Variants in RGS8 observed in about 807,000 individuals in gnomAD.
RGS8 encodes the protein regulator of G-protein signaling 8.
Under a neutral mutation model 21.7 loss-of-function variants are expected in RGS8, and 8 were observed. The observed-to-expected ratio is 0.37, with a 90% CI of 0.22 to 0.66. RGS8 has a LOEUF of 0.66. Ranked by LOEUF, RGS8 falls within the 30% of genes least tolerant of loss-of-function variation. The pLI is 0.59. For synonymous variants in RGS8, 80 were observed against 83.6 expected (o/e 0.96, Z 0.24); for missense variants, 157 against 217.9 (o/e 0.72, Z 1.76).
the RGS8 span, among the ~76,000 whole-genome samples, chr1:182,719,683 C>A: frequency 2.0e-5 from 3 of 151,540 alleles, no homozygotes; most frequent in South Asian, 6.2e-4. Context: ...CCTGCCTTGG[C>A]CTCCCAAAGT....
intron 1 of RGS8, among the ~76,000 whole-genome samples, chr1:182,681,844 A>C (rs1295057929): frequency 6.6e-6 from 1 of 152,168 alleles, no homozygotes; most frequent in African/African-American, 2.4e-5. Context: ...AATCAACCTT[A>C]AGCCACTCAG....
the RGS8 span, among the ~76,000 whole-genome samples, chr1:182,691,165 C>T: frequency 2.0e-5 from 3 of 152,172 alleles, no homozygotes; most frequent in Non-Finnish European, 4.4e-5. Context: ...AAGAATTGCC[C>T]AACTGACTCA....
the RGS8 span, among the ~76,000 whole-genome samples, chr1:182,712,397 C>T: frequency 2.0e-4 from 31 of 152,324 alleles, no homozygotes; most frequent in Middle Eastern, 3.4e-3. Flanking sequence ...GGCTAATAAA[C>T]ACATCTTGTT....
At chr1:182,751,576 G>T in the RGS8 span, among the ~76,000 whole-genome samples, 5 of 152,138 alleles carry the variant, frequency 3.3e-5, no homozygotes, top group African/African-American at 1.2e-4. Context: ...GAGCTTAAAT[G>T]ACCTCTGAGT....
chr1:182,744,862 C>G, the RGS8 span, among the ~76,000 whole-genome samples: 2 of 152,148 alleles, frequency 1.3e-5, no homozygotes, highest in Admixed American at 1.3e-4. Flanking sequence ...TTTCATCACC[C>G]CAGAAAGAAA....
the RGS8 span, among the ~76,000 whole-genome samples, chr1:182,743,490 G>A: frequency 6.6e-6 from 1 of 152,212 alleles, no homozygotes; most frequent in Non-Finnish European, 1.5e-5. Flanking sequence ...CGCAAAGTTA[G>A]TGGTAATTAT....
chr1:182,721,058 T>C, the RGS8 span, among the ~76,000 whole-genome samples: 1 of 108,230 alleles, frequency 9.2e-6, no homozygotes, highest in Non-Finnish European at 1.9e-5. Context: ...TACATATATA[T>C]GTGTGTATAT....
intron 5 of RGS8, among the ~76,000 whole-genome samples, chr1:182,665,560 T>G (rs1663815584): frequency 6.6e-6 from 1 of 152,148 alleles, no homozygotes; most frequent in South Asian, 2.1e-4. Flanking sequence ...ATGCACAAAA[T>G]ATTCATTTGA....
At chr1:182,720,896 T>C in the RGS8 span, among the ~76,000 whole-genome samples, 1 of 55,970 alleles carries the variant, frequency 1.8e-5, no homozygotes, top group Non-Finnish European at 3.7e-5. Flanking sequence ...TATACACATA[T>C]ATATACATAT....
intron 3 of RGS8, 63 bp from the exon 5 acceptor site, chr1:182,667,036 A>G (rs1663900727): frequency 7.4e-7 from 1 of 1,357,052 alleles, no homozygotes; most frequent in Admixed American, 1.7e-5. Flanking sequence ...TCAGCTCTAT[A>G]CAGGGCCCCT....
At chr1:182,751,541 G>A in the RGS8 span, among the ~76,000 whole-genome samples, 9 of 152,270 alleles carry the variant, frequency 5.9e-5, no homozygotes, top group East Asian at 1.7e-3. Context: ...CATTTTCCCT[G>A]TCTTCCCAGA....
At chr1:182,691,709 G>A in the RGS8 span, among the ~76,000 whole-genome samples, 8 of 147,956 alleles carry the variant, frequency 5.4e-5, no homozygotes, top group East Asian at 2.0e-4. Context: ...CACAGCCTAC[G>A]TCATACTGGA....
chr1:182,737,241 G>A, the RGS8 span, among the ~76,000 whole-genome samples: 3 of 150,940 alleles, frequency 2.0e-5, no homozygotes, highest in Non-Finnish European at 4.4e-5. Flanking sequence ...GGACCACCCA[G>A]ATAATCCAGA....
At chr1:182,643,537 CTCTG>C (rs1294976459), downstream of RGS8, 3 of 152,082 alleles carry the variant, frequency 2.0e-5, no homozygotes, top group African/African-American at 7.3e-5. Flanking sequence ...GGTCGTGAGA[CTCTG>C]TCTAAGAGTC....
the RGS8 span, among the ~76,000 whole-genome samples, chr1:182,747,694 A>G: frequency 6.6e-6 from 1 of 152,182 alleles, no homozygotes; most frequent in Non-Finnish European, 1.5e-5. Context: ...CACCATGCAG[A>G]AAAGAAAGCA....
intron 5 of RGS8, among the ~76,000 whole-genome samples, chr1:182,659,694 G>A (rs372130412): frequency 1.5e-3 from 221 of 152,116 alleles, no homozygotes; most frequent in Non-Finnish European, 2.6e-3. Context: ...GTGAGACTCC[G>A]TACCCCGCCC....
At chr1:182,710,570 C>T in the RGS8 span, among the ~76,000 whole-genome samples, 3 of 152,140 alleles carry the variant, frequency 2.0e-5, no homozygotes, top group African/African-American at 7.2e-5. Flanking sequence ...ATCCCTCTCC[C>T]ACCAATGGGG....
At chr1:182,740,548 GTTTTTTTTTT>G in the RGS8 span, among the ~76,000 whole-genome samples, 2 of 75,962 alleles carry the variant, frequency 2.6e-5, no homozygotes, top group Admixed American at 1.4e-4. Flanking sequence ...TTGTTTGTTT[GTTTTTTTTTT>G]TTTTTTTTTT....
the RGS8 span, among the ~76,000 whole-genome samples, chr1:182,726,516 C>G: frequency 2.0e-5 from 3 of 152,044 alleles, no homozygotes. Context: ...ACTGAAAATA[C>G]AAAATTAGCC....
Sources: gnomAD v4.1 joint callset for allele counts (sites outside exome capture counted in the v4.1 genomes callset) on GRCh38, gnomAD v4.1.1 for gene constraint, MANE v1.5 for transcripts, NCBI Gene and HGNC (gene_info 2026-07-23, HGNC 2026-07-21) for gene names.